The following ANO2 variants were observed in gnomAD, a reference collection of about 807,000 sequenced individuals.
The protein encoded by ANO2 is anoctamin-2.
ANO2 carries 101 observed loss-of-function variants against 124.2 expected under a neutral mutation model. The ratio of observed to expected loss-of-function variants is 0.81; its 90% CI spans 0.69 to 0.96. The LOEUF is 0.96. Among genes scored for constraint, ANO2 ranks in the 40% least tolerant of loss-of-function variants. The pLI, the probability that ANO2 is intolerant of heterozygous loss-of-function variation, is 0.00. For synonymous variants in ANO2, 486 were observed against 482.5 expected, an observed-to-expected ratio of 1.01 and a Z score of -0.09; for missense variants, 1,293 against 1,274.5, an observed-to-expected ratio of 1.01 and a Z score of -0.22.
intron 10 of ANO2, 50 bp from the exon 11 acceptor site, chr12:5,751,020 C>T: frequency 6.6e-7 from 1 of 1,508,310 alleles, no homozygotes; most frequent in Non-Finnish European, 8.9e-7. Flanking sequence ...ACATCATATA[C>T]TTTCCTTATT....
chr12:5,853,712 A>G (rs1954994745), intron 4 of ANO2, among the ~76,000 whole-genome samples: 1 of 152,124 alleles, frequency 6.6e-6, no homozygotes, highest in Non-Finnish European at 1.5e-5. Flanking sequence ...TCTATTCACT[A>G]AAGAAGTGTC....
chr12:5,687,445 A>G (rs991332439), intron 14 of ANO2, among the ~76,000 whole-genome samples: 6 of 152,348 alleles, frequency 3.9e-5, no homozygotes, highest in African/African-American at 1.4e-4. Flanking sequence ...CCCTGGATAT[A>G]CTTCCAACGA....
At chr12:5,643,569 G>A (rs933005932) in intron 15 of ANO2, among the ~76,000 whole-genome samples, 1 of 152,074 alleles carries the variant, frequency 6.6e-6, no homozygotes, top group African/African-American at 2.4e-5. Flanking sequence ...AGATATCCAG[G>A]AGTAGAATTT....
At chr12:5,638,237 C>CTTTTTTTT (rs35224024) in intron 15 of ANO2, among the ~76,000 whole-genome samples, 20,004 of 122,598 alleles carry the variant, frequency 0.16, 2,741 homozygotes, top group East Asian at 0.37. Context: ...GTTTCTTTTC[C>CTTTTTTTT]TTTTTTTTTT....
In ANO2 at chr12:5,830,447, G is replaced by A. The variant is rs533203577; in HGVS notation, c.828C>T (p.Thr276=). Reference sequence around the variant, plus strand: ...TCCATTTACTTACAATGCGGCTGCGGGTGGCATTATCAAAGAAGGTGTCCT... The same window carrying A: ...TCCATTTACTTACAATGCGGCTGCGAGTGGCATTATCAAAGAAGGTGTCCT... ...QEKDTFFDNA[T]RSRIVHEILK... Residue 276 remains threonine (T), a synonymous_variant, in exon 6 of 25, where the codon ACC becomes ACT. Transcript: ENST00000682330. 1 of 1,612,862 alleles carries A rather than the reference G, an allele frequency of 6.2e-7. No homozygotes were observed. The highest frequency in any genetic ancestry group is 2.2e-5 in the East Asian group (1 of 44,870).
At chr12:5,655,078 G>T (rs945685138) in intron 14 of ANO2, among the ~76,000 whole-genome samples, 1 of 151,836 alleles carries the variant, frequency 6.6e-6, no homozygotes, top group East Asian at 1.9e-4. Flanking sequence ...CTCTCTCTAC[G>T]CAAGTCCCCT....
intron 3 of ANO2, among the ~76,000 whole-genome samples, chr12:5,856,860 C>T (rs2137258998): frequency 6.6e-6 from 1 of 152,292 alleles, no homozygotes; most frequent in South Asian, 2.1e-4. Flanking sequence ...AAAATCGTTT[C>T]CCAGTATGGG....
At chr12:5,653,814 A>G (rs376708) in intron 14 of ANO2, among the ~76,000 whole-genome samples, 63,872 of 152,014 alleles carry the variant, frequency 0.42, 15,521 homozygotes, top group African/African-American at 0.66. Flanking sequence ...AGAGGATTAA[A>G]GAGAGACTTC....
At chr12:5,891,413 C>T (rs1247669086) in intron 3 of ANO2, among the ~76,000 whole-genome samples, 2 of 152,084 alleles carry the variant, frequency 1.3e-5, no homozygotes, top group African/African-American at 4.8e-5. Flanking sequence ...ACCACTTGGC[C>T]CCAGACACAG....
intron 23 of ANO2, among the ~76,000 whole-genome samples, chr12:5,573,727 G>A (rs1213144740): frequency 6.6e-6 from 1 of 152,168 alleles, no homozygotes; most frequent in Non-Finnish European, 1.5e-5. Flanking sequence ...GAAACATCTA[G>A]GCTAATATAA....
At chr12:5,725,107 AC>A (rs1950386224) in intron 14 of ANO2, among the ~76,000 whole-genome samples, 1 of 147,468 alleles carries the variant, frequency 6.8e-6, no homozygotes, top group Non-Finnish European at 1.5e-5. Flanking sequence ...TCACACACAC[AC>A]ACACACACAC....
chr12:5,926,195 C>T (rs1368042343), intron 1 of ANO2, among the ~76,000 whole-genome samples: 2 of 152,168 alleles, frequency 1.3e-5, no homozygotes, highest in Admixed American at 6.5e-5. Context: ...AATTTGGTAC[C>T]GATCCTATAA....
At chr12:5,901,043 C>T (rs76435436) in intron 3 of ANO2, among the ~76,000 whole-genome samples, 1 of 152,188 alleles carries the variant, frequency 6.6e-6, no homozygotes, top group African/African-American at 2.4e-5. Context: ...GTCCCATTCC[C>T]GACACGCTTT....
intron 14 of ANO2, among the ~76,000 whole-genome samples, chr12:5,668,200 C>T (rs1186372284): frequency 1.3e-5 from 2 of 152,226 alleles, no homozygotes; most frequent in East Asian, 3.8e-4. Context: ...TTCTCTGCAA[C>T]CTCACCAGCA....
intron 19 of ANO2, among the ~76,000 whole-genome samples, chr12:5,604,358 C>A (rs1204583057): frequency 1.3e-5 from 2 of 152,164 alleles, no homozygotes; most frequent in African/African-American, 4.8e-5. Flanking sequence ...GTAGAGATGT[C>A]CAGTAGGCAA....
chr12:5,850,342 G>A (rs1455256351), intron 4 of ANO2, among the ~76,000 whole-genome samples: 1 of 150,072 alleles, frequency 6.7e-6, no homozygotes, highest in Non-Finnish European at 1.5e-5. Flanking sequence ...CTTCAGCCCA[G>A]GAGGCAGAGG....
intron 1 of ANO2, among the ~76,000 whole-genome samples, chr12:5,936,754 T>C (rs1019669812): frequency 1.3e-5 from 2 of 152,260 alleles, no homozygotes; most frequent in African/African-American, 4.8e-5. Context: ...TCTAGTTTTA[T>C]CAATTTAACT....
At chr12:5,640,419 G>GA (rs1443227415) in intron 15 of ANO2, among the ~76,000 whole-genome samples, 1 of 151,946 alleles carries the variant, frequency 6.6e-6, no homozygotes, top group Non-Finnish European at 1.5e-5. Context: ...TTTTTCTTTA[G>GA]AAAACATCAG....
At chr12:5,607,715 A>T (rs1461397752) in intron 19 of ANO2, among the ~76,000 whole-genome samples, 1 of 152,154 alleles carries the variant, frequency 6.6e-6, no homozygotes, top group Admixed American at 6.5e-5. Context: ...AGATTCTCAC[A>T]GGAGCGTGAA....
Sources: allele counts gnomAD v4.1 joint callset (sites outside exome capture counted in the v4.1 genomes callset), GRCh38; gene constraint gnomAD v4.1.1; transcripts MANE v1.5; gene names NCBI Gene and HGNC (gene_info 2026-07-23, HGNC 2026-07-21).